The following OTOP3 variants were observed in gnomAD, a reference collection of about 807,000 sequenced individuals.
OTOP3 encodes the protein otopetrin 3, also known as proton channel OTOP3.
A neutral mutation model predicts 50.8 loss-of-function variants in OTOP3; 41 were observed. The ratio of observed to expected loss-of-function variants is 0.81; its 90% CI spans 0.63 to 1.05. OTOP3 has a LOEUF of 1.05. Among genes scored for constraint, OTOP3 ranks in the 50% least tolerant of loss-of-function variants. OTOP3 has a pLI of 0.00. For synonymous variants in OTOP3, 320 were observed against 324.4 expected, an observed-to-expected ratio of 0.99 and a Z score of 0.14; for missense variants, 788 against 760.8, an observed-to-expected ratio of 1.04 and a Z score of -0.42.
At chr17:74,949,138 G>A in intron 6 of OTOP3, 108 bp from the exon 7 acceptor site, 2 of 1,103,078 alleles carry the variant, frequency 1.8e-6, no homozygotes. Context: ...TGAGCGGGAG[G>A]TGGGGGTGGC....
At chr17:74,940,997 G>C (rs567334120) in intron 1 of OTOP3, among the ~76,000 whole-genome samples, 6 of 152,158 alleles carry the variant, frequency 3.9e-5, no homozygotes, top group African/African-American at 1.2e-4. Flanking sequence ...GGTGTCAGAA[G>C]TGAAAGTCCT....
At position 74,940,118 on chromosome 17, in the gene OTOP3, CACACACACACACACAT is replaced by C. The variant is rs1322427757; in HGVS notation, c.20-1271_20-1256del. Among the ~76,000 whole-genome samples, 1,035 of 142,876 alleles carry C rather than the reference CACACACACACACACAT, an allele frequency of 7.2e-3. 17 individuals are homozygous for C. Among genetic ancestry groups the C allele is most frequent in the African/African-American group, 0.024 (878 of 36,306 alleles). 93.7% of individuals were successfully genotyped at this position (142,876 alleles called of 152,430 possible). ...ACACACACACACACACACACACACA[CACACACACACACACAT>C]ACATATATACATATATGGGGTTTTT... On this transcript the variant is annotated intron_variant, in intron 1 of 6. Coordinates refer to ENST00000328801, the MANE Select transcript of OTOP3 (RefSeq NM_001272005.2).
In OTOP3 at chr17:74,941,642, G is replaced by C. The variant is rs553424952; in HGVS notation, c.269G>C (p.Ser90Thr). Residue 90 changes from serine to threonine, a missense_variant, in exon 2 of 7, where the codon AGC (serine) becomes ACC (threonine). Physicochemically the swap from Ser to Thr is moderately conservative, Grantham distance 58. Transcript: ENST00000328801. Reference protein sequence around the residue: ...VVFLGGAFICSMIFNKVAVTL... With the variant: ...VVFLGGAFICTMIFNKVAVTL... ...TTCCTGGGTGGCGCCTTCATCTGCAGCATGATCTTCAACAAGGTGGCCGTC... is the reference window on the plus strand; with the variant it reads ...TTCCTGGGTGGCGCCTTCATCTGCACCATGATCTTCAACAAGGTGGCCGTC... The C allele has an allele frequency of 6.2e-7, 1 of 1,614,166 alleles. No homozygotes were observed. The highest frequency in any genetic ancestry group is 1.1e-5 in the South Asian group (1 of 91,090).
rs143597193 is a variant in OTOP3 at position 74,938,254 on chromosome 17, G to A, written c.19+2314G>A. Among the ~76,000 whole-genome samples the A allele has an allele frequency of 3.9e-5, 6 of 152,212 alleles. No individual in the cohort carries two copies. The East Asian group carries it at 9.7e-4, about 25-fold the overall frequency. On this transcript the variant is annotated intron_variant, in intron 1 of 6. Coordinates refer to ENST00000328801, the MANE Select transcript of OTOP3 (RefSeq NM_001272005.2). ...TATGACAAGGGGAGAATGGGAGCCC[G>A]GAGAGGTTGCATTTTCAAGCCAGAT...
intron 1 of OTOP3, among the ~76,000 whole-genome samples, chr17:74,941,110 G>A (rs1433521017): frequency 1.3e-5 from 2 of 152,206 alleles, no homozygotes; most frequent in Admixed American, 6.5e-5. Flanking sequence ...TCAGGCACAA[G>A]TCAGGAAGTG....
chr17:74,935,863 C>A, upstream of OTOP3: 1 of 1,534,676 alleles, frequency 6.5e-7, no homozygotes, highest in Non-Finnish European at 8.8e-7. Flanking sequence ...TCGCGGGCAT[C>A]GGTCTCACCT....
At chr17:74,948,007 C>G (rs547077081) in intron 6 of OTOP3, among the ~76,000 whole-genome samples, 3 of 152,216 alleles carry the variant, frequency 2.0e-5, no homozygotes, top group African/African-American at 7.2e-5. Context: ...GCTGGGACAA[C>G]TCAGGGTTGT....
At chr17:74,940,350 T>A (rs58677719) in intron 1 of OTOP3, among the ~76,000 whole-genome samples, 22,836 of 151,708 alleles carry the variant, frequency 0.15, 2,576 homozygotes, top group East Asian at 0.38. Flanking sequence ...AATTTTTTTT[T>A]AAAAAACTAG....
Position 74,946,764 on chromosome 17 carries a change from C to CTGCTG in OTOP3, c.867_871dup (p.Phe291CysfsTer80), listed in dbSNP as rs754481979. 5.6e-6 allele frequency: 9 copies of CTGCTG among 1,612,996 alleles called. No homozygotes were observed. The highest frequency in any genetic ancestry group is 3.4e-6 in the Non-Finnish European group (4 of 1,180,038). On this transcript the variant is annotated frameshift_variant, in exon 6 of 7. Transcript: ENST00000328801. LOFTEE classifies it high-confidence loss of function. The stretch of plus-strand genomic sequence containing the variant: ...CCTTCAGCACTGAGTACTGCCTCAT[C>CTGCTG]TGCTGTGCTGTGCTGTTTGTCATGT...
chr17:74,948,575 G>T lies in OTOP3; in HGVS notation c.1567-671G>T, dbSNP rs544449889. ...CTCGGGAGGCTGAGGCACGAGAATT[G>T]CTCAAACCCAGGAGGCAGAGGTTTC... On this transcript the variant is annotated intron_variant, in intron 6 of 6. Transcript: ENST00000328801. 2.6e-5 allele frequency among the ~76,000 whole-genome samples: 4 copies of T among 152,224 alleles called. No individual in the cohort carries two copies. In the East Asian group the frequency reaches 7.7e-4, roughly 29 times the overall value.
intron 1 of OTOP3, among the ~76,000 whole-genome samples, chr17:74,937,958 C>A (rs2039134954): frequency 6.6e-6 from 1 of 151,926 alleles, no homozygotes; most frequent in South Asian, 2.1e-4. Flanking sequence ...AGAGCAGTGT[C>A]CAGGAGGGAT....
In OTOP3 at chr17:74,941,888, C is replaced by T; in HGVS notation, c.437-13C>T. ...CCGCGCAGGTGCCAACGCCCGCCCA[C>T]ATGTCCGGCCAGGTTCCCTAGTGCT... On this transcript the variant is annotated splice_polypyrimidine_tract_variant and intron_variant, in intron 2 of 6. Transcript: ENST00000328801. 1 of 1,596,812 alleles carries T rather than the reference C, an allele frequency of 6.3e-7. No homozygotes were observed. The highest frequency in any genetic ancestry group is 8.6e-7 in the Non-Finnish European group (1 of 1,168,994).
intron 6 of OTOP3, 94 bp from the exon 7 acceptor site, chr17:74,949,152 G>A (rs1444461628): frequency 3.0e-6 from 4 of 1,336,462 alleles, no homozygotes; most frequent in Non-Finnish European, 3.2e-6. Flanking sequence ...GGGTGGCACT[G>A]GAGGGGCTGC....
upstream of OTOP3, chr17:74,935,844 G>T (rs1029325047): frequency 2.0e-6 from 3 of 1,531,544 alleles, no homozygotes; most frequent in Non-Finnish European, 2.7e-6. Flanking sequence ...GTCCCGCTGG[G>T]GGAGGGCGTC....
chr17:74,943,537 T>A, intron 4 of OTOP3, 69 bp from the exon 5 acceptor site: 1 of 1,491,656 alleles, frequency 6.7e-7, no homozygotes, highest in Non-Finnish European at 9.3e-7. Context: ...CCAACAACAG[T>A]GGATGGTGAG....
chr17:74,936,961 C>CGGGGGTTT, intron 1 of OTOP3, among the ~76,000 whole-genome samples: 1 of 101,322 alleles, frequency 9.9e-6, no homozygotes, highest in East Asian at 2.9e-4. Context: ...CCCCCCCACC[C>CGGGGGTTT]TTTTTTTTTT....
In OTOP3 at chr17:74,947,443, A is replaced by C; in HGVS notation, c.1534A>C (p.Ile512Leu). The change falls in exon 6 of 7, where the codon ATC (isoleucine) becomes CTC (leucine). Residue 512 changes from isoleucine to leucine, a missense_variant. Physicochemically the swap from Ile to Leu is conservative, Grantham distance 5. Coordinates refer to ENST00000328801, the MANE Select transcript of OTOP3 (RefSeq NM_001272005.2). ...CTGGAAGCGGAGGGCACTCAAGGAGATCTCACTCTTCCTCATCCTCTGCAA... is the reference window on the plus strand; with the variant it reads ...CTGGAAGCGGAGGGCACTCAAGGAGCTCTCACTCTTCCTCATCCTCTGCAA... The part of the protein sequence containing the change: ...LNWKRRALKE[I>L]SLFLILCNIT... 6.2e-7 allele frequency: 1 copy of C among 1,609,786 alleles called. No individual in the cohort carries two copies. Among genetic ancestry groups the C allele is most frequent in the Non-Finnish European group, 8.5e-7 (1 of 1,177,900 alleles).
rs1283740975 is a variant in OTOP3, at chr17:74,940,124, CACACACACAT to C, written c.20-1265_20-1256del. On this transcript the variant is annotated intron_variant, in intron 1 of 6. Coordinates refer to ENST00000328801, the MANE Select transcript of OTOP3 (RefSeq NM_001272005.2). The stretch of plus-strand genomic sequence containing the variant: ...ACACACACACACACACACACACACA[CACACACACAT>C]ACATATATACATATATGGGGTTTTT... Among the ~76,000 whole-genome samples the C allele has an allele frequency of 7.1e-3, 889 of 124,536 alleles. 8 individuals carry two copies. Among genetic ancestry groups the C allele is most frequent in the East Asian group, 0.043 (106 of 2,488 alleles). The allele number at this position is 124,536 out of a possible 152,430, so 81.7% of individuals were successfully genotyped here.
At position 74,941,938 on chromosome 17, in the gene OTOP3, C is replaced by T; in HGVS notation, c.474C>T (p.Leu158=). 1 of 1,612,858 alleles carries T rather than the reference C, an allele frequency of 6.2e-7. No individual in the cohort carries two copies. The highest frequency in any genetic ancestry group is 8.5e-7 in the Non-Finnish European group (1 of 1,179,232). ...TCTTCGGCAGCTGCACCTTCTGCCT[C>T]AACATCTTCCGAGTGGGCTACGATG... ...LVLFGSCTFC[L]NIFRVGYDVS... Residue 158 remains leucine (L), a synonymous_variant, in exon 3 of 7, where the codon CTC becomes CTT. Coordinates refer to ENST00000328801, the MANE Select transcript of OTOP3 (RefSeq NM_001272005.2).
Sources: gnomAD v4.1 joint callset for allele counts (sites outside exome capture counted in the v4.1 genomes callset) on GRCh38, gnomAD v4.1.1 for gene constraint, MANE v1.5 for transcripts, NCBI Gene and HGNC (gene_info 2026-07-23, HGNC 2026-07-21) for gene names.